Variants in DDX4 observed in about 807,000 individuals in gnomAD.
DDX4 encodes the protein probable ATP-dependent RNA helicase DDX4.
Under a neutral mutation model 100.0 loss-of-function variants are expected in DDX4, and 25 were observed. That is an observed-to-expected ratio of 0.25 (90% CI 0.18 to 0.35). DDX4 has a LOEUF of 0.35. DDX4 is among the 10% of genes least tolerant of loss of function. DDX4 has a pLI of 1.00. For missense variants in DDX4, 635 were observed against 882.4 expected (o/e 0.72, Z 3.55); for synonymous variants, 259 against 275.7 (o/e 0.94, Z 0.60).
At chr5:55,769,377 T>C (rs1393222441) in intron 7 of DDX4, among the ~76,000 whole-genome samples, 3 of 152,190 alleles carry the variant, frequency 2.0e-5, no homozygotes, top group Non-Finnish European at 2.9e-5. Flanking sequence ...TAAGGAATCC[T>C]TTCCTTATTG....
intron 18 of DDX4, among the ~76,000 whole-genome samples, chr5:55,812,291 G>A (rs1191089916): frequency 1.3e-5 from 2 of 152,166 alleles, no homozygotes; most frequent in Non-Finnish European, 2.9e-5. Flanking sequence ...GCCGGGCGCG[G>A]TGGTTCACGC....
chr5:55,766,506 T>C (rs1243753072), intron 6 of DDX4, among the ~76,000 whole-genome samples: 1 of 152,124 alleles, frequency 6.6e-6, no homozygotes, highest in Non-Finnish European at 1.5e-5. Flanking sequence ...GGGCCAACTT[T>C]TCAAAACTTA....
intron 19 of DDX4, 85 bp from the exon 20 acceptor site, chr5:55,814,814 TAA>T: frequency 6.9e-7 from 1 of 1,455,368 alleles, no homozygotes; most frequent in Non-Finnish European, 9.3e-7. Context: ...ATACTATTAT[TAA>T]AAAGAAATTT....
chr5:55,765,413 A>AAAAATATATAT (rs1392558099), intron 6 of DDX4, among the ~76,000 whole-genome samples: 23 of 83,004 alleles, frequency 2.8e-4, no homozygotes, highest in East Asian at 2.0e-3. Context: ...AAAAAAAAAA[A>AAAAATATATAT]ATATATATAT....
chr5:55,757,189 C>G (rs13170669), intron 3 of DDX4, among the ~76,000 whole-genome samples: 1 of 151,796 alleles, frequency 6.6e-6, no homozygotes, highest in Non-Finnish European at 1.5e-5. Context: ...AGTGGAGATT[C>G]GTGAGATTTT....
intron 18 of DDX4, among the ~76,000 whole-genome samples, chr5:55,812,489 G>A (rs1034888531): frequency 1.3e-5 from 2 of 152,006 alleles, no homozygotes; most frequent in Non-Finnish European, 1.5e-5. Context: ...GCGTGAACCC[G>A]GGAGGCGGAG....
intron 7 of DDX4, among the ~76,000 whole-genome samples, chr5:55,774,139 AT>A (rs1741417353): frequency 6.6e-6 from 1 of 150,572 alleles, no homozygotes; most frequent in South Asian, 2.1e-4. Context: ...TTTTTTTTTA[AT>A]TTATCTAATT....
intron 4 of DDX4, among the ~76,000 whole-genome samples, chr5:55,761,270 TATTAAA>T (rs1740527790): frequency 1.3e-5 from 2 of 152,174 alleles, no homozygotes; most frequent in African/African-American, 4.8e-5. Flanking sequence ...TGTTAGCTAC[TATTAAA>T]ATTAGAAATA....
chr5:55,753,002 A>G (rs1314650862), intron 3 of DDX4, among the ~76,000 whole-genome samples: 1 of 151,426 alleles, frequency 6.6e-6, no homozygotes, highest in Non-Finnish European at 1.5e-5. Flanking sequence ...GTGTCTGTTC[A>G]TGTCCTTTGC....
intron 17 of DDX4, among the ~76,000 whole-genome samples, chr5:55,795,663 C>T (rs1024927649): frequency 6.6e-5 from 10 of 152,092 alleles, no homozygotes; most frequent in African/African-American, 2.4e-4. Context: ...GGTTCAGCTA[C>T]TCAGGAGGCT....
chr5:55,761,156 G>T (rs1241501279), intron 4 of DDX4, among the ~76,000 whole-genome samples: 1 of 152,060 alleles, frequency 6.6e-6, no homozygotes. Flanking sequence ...TAATAGAAAT[G>T]ATTTATTCAA....
At chr5:55,785,383 G>GA in intron 11 of DDX4, 39 bp downstream of exon 11, 1 of 1,584,954 alleles carries the variant, frequency 6.3e-7, no homozygotes, top group East Asian at 2.2e-5. Flanking sequence ...TTTTTATAGT[G>GA]AGAGTTCTTT....
intron 10 of DDX4, among the ~76,000 whole-genome samples, chr5:55,784,588 A>G (rs1742131547): frequency 6.6e-6 from 1 of 152,222 alleles, no homozygotes; most frequent in African/African-American, 2.4e-5. Context: ...GATTGGTAAG[A>G]GCAACTCATT....
intron 4 of DDX4, among the ~76,000 whole-genome samples, chr5:55,762,499 TA>T (rs1740626719): frequency 6.6e-6 from 1 of 152,030 alleles, no homozygotes; most frequent in Admixed American, 6.5e-5. Flanking sequence ...ATAAGACAAA[TA>T]AGAAAGTAGG....
At chr5:55,745,713 A>G (rs1759214722) in intron 2 of DDX4, among the ~76,000 whole-genome samples, 1 of 152,176 alleles carries the variant, frequency 6.6e-6, no homozygotes, top group African/African-American at 2.4e-5. Flanking sequence ...GAGAGCCACC[A>G]CACCCAGCCT....
At chr5:55,756,711 A>G (rs540391001) in intron 3 of DDX4, among the ~76,000 whole-genome samples, 76 of 152,232 alleles carry the variant, frequency 5.0e-4, no homozygotes, top group Non-Finnish European at 9.1e-4. Context: ...ATTGAGAGAT[A>G]TTCTTTGTGG....
chr5:55,766,534 T>C (rs573503438), intron 6 of DDX4, among the ~76,000 whole-genome samples: 2 of 152,028 alleles, frequency 1.3e-5, no homozygotes, highest in South Asian at 4.2e-4. Context: ...CCTGCCCTTC[T>C]ACATTGTATT....
intron 18 of DDX4, among the ~76,000 whole-genome samples, chr5:55,810,804 A>G (rs1303230149): frequency 2.0e-5 from 3 of 152,148 alleles, no homozygotes; most frequent in Non-Finnish European, 4.4e-5. Flanking sequence ...ATTTGATCTT[A>G]AAAAGACAAA....
At chr5:55,780,681 T>G (rs867162589) in intron 8 of DDX4, among the ~76,000 whole-genome samples, 44 of 152,332 alleles carry the variant, frequency 2.9e-4, no homozygotes, top group African/African-American at 9.6e-4. Flanking sequence ...GGTGCTATTT[T>G]GAAGAATAAG....
Sources: allele counts gnomAD v4.1 joint callset (sites outside exome capture counted in the v4.1 genomes callset), GRCh38; gene constraint gnomAD v4.1.1; transcripts MANE v1.5; gene names NCBI Gene and HGNC (gene_info 2026-07-23, HGNC 2026-07-21).